The following ASTN2 variants were observed in gnomAD, a reference collection of about 807,000 sequenced individuals.
ASTN2 encodes astrotactin-2.
ASTN2 carries 54 observed loss-of-function variants against 139.8 expected under a neutral mutation model. The ratio of observed to expected loss-of-function variants is 0.39; its 90% CI spans 0.31 to 0.48. The LOEUF (loss-of-function observed/expected upper bound fraction) is 0.48, where lower values mean the gene tolerates loss of function less well. Among genes scored for constraint, ASTN2 ranks in the 20% least tolerant of loss-of-function variants. The pLI is 0.95. For synonymous variants in ASTN2, 756 were observed against 719.5 expected (o/e 1.05, Z -0.81); for missense variants, 1,565 against 1,725.1 (o/e 0.91, Z 1.64).
chr9:116,532,410 G>T (rs1851397380), intron 19 of ASTN2, among the ~76,000 whole-genome samples: 1 of 152,128 alleles, frequency 6.6e-6, no homozygotes, highest in African/African-American at 2.4e-5. Context: ...CACTGTTTTT[G>T]GTGTTTTAGA....
intron 3 of ASTN2, among the ~76,000 whole-genome samples, chr9:117,161,693 G>A (rs1024423679): frequency 6.6e-6 from 1 of 152,020 alleles, no homozygotes; most frequent in African/African-American, 2.4e-5. Context: ...TGTGCAGGCT[G>A]AAGAGGAGGC....
intron 19 of ASTN2, among the ~76,000 whole-genome samples, chr9:116,536,537 G>A (rs1851636459): frequency 6.6e-6 from 1 of 152,164 alleles, no homozygotes; most frequent in Non-Finnish European, 1.5e-5. Flanking sequence ...GGGTTTTGGT[G>A]TGGATGTCCT....
At chr9:116,578,997 T>A (rs1168577330) in intron 19 of ASTN2, 1 of 151,884 alleles carries the variant, frequency 6.6e-6, no homozygotes, top group African/African-American at 2.4e-5. Flanking sequence ...CATTCACAGG[T>A]ATTTGTTCTC....
chr9:117,371,456 CT>C (rs1425918920), intron 1 of ASTN2, among the ~76,000 whole-genome samples: 1 of 152,148 alleles, frequency 6.6e-6, no homozygotes, highest in East Asian at 1.9e-4. Flanking sequence ...GTCCTTTCAC[CT>C]GCTGACAGCC....
At chr9:116,520,181 G>C (rs1850808634) in intron 19 of ASTN2, among the ~76,000 whole-genome samples, 1 of 151,896 alleles carries the variant, frequency 6.6e-6, no homozygotes, top group South Asian at 2.1e-4. Context: ...ACCAAAACCA[G>C]GGAAGCACAT....
At chr9:117,094,810 A>G (rs900527635) in intron 5 of ASTN2, among the ~76,000 whole-genome samples, 1 of 152,220 alleles carries the variant, frequency 6.6e-6, no homozygotes, top group Non-Finnish European at 1.5e-5. Context: ...ACCAGACACC[A>G]TAAATTTTTT....
At chr9:116,740,398 C>T (rs1829067226) in intron 13 of ASTN2, among the ~76,000 whole-genome samples, 1 of 152,162 alleles carries the variant, frequency 6.6e-6, no homozygotes, top group Admixed American at 6.5e-5. Context: ...AGCTGTGTGA[C>T]CTTCAGGAGT....
chr9:116,784,579 C>T (rs1830311933), intron 13 of ASTN2, among the ~76,000 whole-genome samples: 1 of 152,150 alleles, frequency 6.6e-6, no homozygotes. Flanking sequence ...ACCTTTGAGT[C>T]CCTCAGCCTA....
intron 19 of ASTN2, among the ~76,000 whole-genome samples, chr9:116,601,568 A>G (rs1854901782): frequency 6.6e-6 from 1 of 152,198 alleles, no homozygotes; most frequent in Admixed American, 6.5e-5. Flanking sequence ...AAAGGACCCG[A>G]TTTGAGAGAT....
At chr9:117,382,020 A>C (rs1830285938) in intron 1 of ASTN2, among the ~76,000 whole-genome samples, 1 of 152,150 alleles carries the variant, frequency 6.6e-6, no homozygotes, top group Non-Finnish European at 1.5e-5. Context: ...ATAGCACTTA[A>C]GTCTAGAGCT....
chr9:117,227,814 T>C (rs10739485), intron 2 of ASTN2, among the ~76,000 whole-genome samples: 61,207 of 151,946 alleles, frequency 0.4, 13,456 homozygotes, highest in East Asian at 0.68. Context: ...TATTTATTTA[T>C]AAATACTTAG....
chr9:117,116,194 G>A (rs1829386792), intron 4 of ASTN2, among the ~76,000 whole-genome samples: 1 of 152,116 alleles, frequency 6.6e-6, no homozygotes, highest in African/African-American at 2.4e-5. Context: ...ATCTCCTGGG[G>A]GTAGCAGAAA....
intron 16 of ASTN2, among the ~76,000 whole-genome samples, chr9:116,688,193 A>G (rs1860370956): frequency 1.3e-5 from 2 of 152,078 alleles, no homozygotes. Context: ...GATTTGGGGC[A>G]TATGAGTGAG....
intron 1 of ASTN2, among the ~76,000 whole-genome samples, chr9:117,338,288 G>A (rs1297783651): frequency 6.6e-6 from 1 of 152,060 alleles, no homozygotes; most frequent in Non-Finnish European, 1.5e-5. Context: ...CAATGGATGT[G>A]TCTCCCCCAA....
intron 11 of ASTN2, among the ~76,000 whole-genome samples, chr9:116,827,382 GAA>G (rs1490253037): frequency 6.8e-6 from 1 of 147,060 alleles, no homozygotes; most frequent in Non-Finnish European, 1.5e-5. Context: ...CAGGAGAAAA[GAA>G]ATAACAAAGA....
chr9:116,489,383 C>A (rs2119092121), intron 19 of ASTN2, among the ~76,000 whole-genome samples: 1 of 152,108 alleles, frequency 6.6e-6, no homozygotes, highest in South Asian at 2.1e-4. Context: ...GTTGCCAAGT[C>A]TGGAGTGCAG....
intron 3 of ASTN2, among the ~76,000 whole-genome samples, chr9:117,174,295 T>A (rs1327447314): frequency 1.3e-5 from 2 of 151,830 alleles, no homozygotes; most frequent in Non-Finnish European, 2.9e-5. Flanking sequence ...AGACAATATG[T>A]CTATAAATGA....
At chr9:117,077,765 C>G (rs938759312) in intron 5 of ASTN2, among the ~76,000 whole-genome samples, 5 of 151,966 alleles carry the variant, frequency 3.3e-5, no homozygotes, top group African/African-American at 1.2e-4. Context: ...ACAACAACAA[C>G]AAAACAAAAA....
chr9:117,235,613 G>A (rs1342553909), intron 2 of ASTN2, among the ~76,000 whole-genome samples: 1 of 152,178 alleles, frequency 6.6e-6, no homozygotes, highest in Non-Finnish European at 1.5e-5. Flanking sequence ...AGGTTTAAAA[G>A]CCTTTCCCTT....
Sources: allele counts gnomAD v4.1 joint callset (sites outside exome capture counted in the v4.1 genomes callset), GRCh38; gene constraint gnomAD v4.1.1; transcripts MANE v1.5; gene names NCBI Gene and HGNC (gene_info 2026-07-23, HGNC 2026-07-21).